ASXL3: variants seen among roughly 807,000 people sequenced by gnomAD.
ASXL3 encodes the protein ASXL transcriptional regulator 3, also known as putative Polycomb group protein ASXL3.
Under a neutral mutation model 170.6 loss-of-function variants are expected in ASXL3, and 34 were observed. That is an observed-to-expected ratio of 0.20 (90% CI 0.15 to 0.27). The LOEUF is 0.27. ASXL3 is among the 10% of genes least tolerant of loss of function. The probability of loss-of-function intolerance (pLI) is 1.00; values close to 1 mark genes in which losing one functional copy is unlikely to be tolerated. For synonymous variants in ASXL3, 1,002 were observed against 989.1 expected (o/e 1.01, Z -0.24); for missense variants, 2,592 against 2,695.3 (o/e 0.96, Z 0.85).
intron 8 of ASXL3, among the ~76,000 whole-genome samples, chr18:33,726,449 C>T (rs976914477): frequency 2.0e-5 from 3 of 151,964 alleles, no homozygotes; most frequent in Non-Finnish European, 4.4e-5. Flanking sequence ...ACTAGAAATA[C>T]GGCTCACTAG....
chr18:33,717,781 G>T (rs184010514), intron 8 of ASXL3, among the ~76,000 whole-genome samples: 1 of 151,450 alleles, frequency 6.6e-6, no homozygotes, highest in East Asian at 1.9e-4. Context: ...GGATGATAGA[G>T]GAACCAGGAT....
At chr18:33,625,302 A>G (rs917552852) in intron 2 of ASXL3, among the ~76,000 whole-genome samples, 4 of 152,148 alleles carry the variant, frequency 2.6e-5, no homozygotes, top group Admixed American at 6.6e-5. Flanking sequence ...CTGAACATAT[A>G]TTACTTAGAC....
At chr18:33,688,824 T>G (rs796666640) in intron 8 of ASXL3, among the ~76,000 whole-genome samples, 47 of 152,334 alleles carry the variant, frequency 3.1e-4, no homozygotes, top group African/African-American at 1.1e-3. Context: ...CTAGCCTGTA[T>G]GTGGACTACT....
At chr18:33,709,258 C>G (rs910891410) in intron 8 of ASXL3, among the ~76,000 whole-genome samples, 3 of 151,142 alleles carry the variant, frequency 2.0e-5, no homozygotes, top group Non-Finnish European at 4.4e-5. Context: ...CATTTAAACT[C>G]TTCCCTAGGT....
intron 8 of ASXL3, among the ~76,000 whole-genome samples, chr18:33,685,306 C>T (rs936988429): frequency 6.6e-6 from 1 of 152,144 alleles, no homozygotes; most frequent in Non-Finnish European, 1.5e-5. Context: ...CATCCTTATC[C>T]TCATTCTCCT....
intron 1 of ASXL3, among the ~76,000 whole-genome samples, chr18:33,594,838 G>A (rs2065111083): frequency 6.6e-6 from 1 of 152,130 alleles, no homozygotes; most frequent in African/African-American, 2.4e-5. Flanking sequence ...GCCTCCCAAA[G>A]TGCTGGGATT....
chr18:33,678,163 A>G (rs1218292674), intron 7 of ASXL3, among the ~76,000 whole-genome samples: 1 of 152,052 alleles, frequency 6.6e-6, no homozygotes, highest in Non-Finnish European at 1.5e-5. Context: ...CCTGGCCTCA[A>G]ACAATCCTCC....
At chr18:33,609,581 A>G (rs2065303050) in intron 2 of ASXL3, among the ~76,000 whole-genome samples, 1 of 152,046 alleles carries the variant, frequency 6.6e-6, no homozygotes, top group Admixed American at 6.6e-5. Flanking sequence ...TAACAAATAC[A>G]AACAAATTTT....
At position 33,662,711 on chromosome 18, in the gene ASXL3, T is replaced by C. The variant is rs553406424; in HGVS notation, c.477+974T>C. Among the ~76,000 whole-genome samples, 30 of 152,284 alleles carry C rather than the reference T, an allele frequency of 2.0e-4. 1 individual carries two copies. The South Asian group carries it at 6.2e-3, about 32-fold the overall frequency. On this transcript the variant is annotated intron_variant, in intron 5 of 11. Transcript: ENST00000269197. ...ATACAATCATCTATTTTGATCCTTC[T>C]ATAACAATTCCCCCTTCAGCCACCC...
At chr18:33,734,058 T>G (rs2067501756) in intron 9 of ASXL3, among the ~76,000 whole-genome samples, 1 of 140,862 alleles carries the variant, frequency 7.1e-6, no homozygotes, top group Non-Finnish European at 1.6e-5. Context: ...TTAGCATTCT[T>G]CTAAAGCATT....
chr18:33,724,030 T>C (rs1156639944), intron 8 of ASXL3, among the ~76,000 whole-genome samples: 1 of 152,186 alleles, frequency 6.6e-6, no homozygotes, highest in Non-Finnish European at 1.5e-5. Context: ...GTTAATAGAC[T>C]ACAGTATAGT....
rs187313699 is a variant in ASXL3 at position 33,674,687 on chromosome 18, C to T, written c.715+2821C>T. Among the ~76,000 whole-genome samples the T allele has an allele frequency of 3.7e-3, 555 of 151,276 alleles. 14 individuals carry two copies. Among genetic ancestry groups the T allele is most frequent in the Admixed American group, 0.034 (523 of 15,182 alleles). On this transcript the variant is annotated intron_variant, in intron 7 of 11. Coordinates refer to ENST00000269197, the MANE Select transcript of ASXL3 (RefSeq NM_030632.3). ...AGACTGGAGTGCAGTGGTGCGATCTCGGCCCACTGCAAGCTCTGCCTCTCG... is the reference window on the plus strand; with the variant it reads ...AGACTGGAGTGCAGTGGTGCGATCTTGGCCCACTGCAAGCTCTGCCTCTCG...
intron 8 of ASXL3, among the ~76,000 whole-genome samples, chr18:33,700,127 A>G (rs2066845666): frequency 6.6e-6 from 1 of 152,028 alleles, no homozygotes; most frequent in Non-Finnish European, 1.5e-5. Context: ...TGTTAAGGAG[A>G]GAGATGGGGT....
At chr18:33,706,107 CTT>C (rs34911049) in intron 8 of ASXL3, among the ~76,000 whole-genome samples, 10,462 of 145,658 alleles carry the variant, frequency 0.072, 383 homozygotes, top group South Asian at 0.11. Flanking sequence ...TCTTGATGCA[CTT>C]TTTTTTTTTT....
chr18:33,607,030 A>G (rs543741210), intron 1 of ASXL3, among the ~76,000 whole-genome samples: 2 of 152,116 alleles, frequency 1.3e-5, no homozygotes, highest in African/African-American at 4.8e-5. Context: ...TCGGAAGAGG[A>G]AAGGGCTTAC....
intron 2 of ASXL3, among the ~76,000 whole-genome samples, chr18:33,639,604 C>T (rs912639429): frequency 6.6e-6 from 1 of 152,070 alleles, no homozygotes; most frequent in African/African-American, 2.4e-5. Context: ...TTCTTAATTT[C>T]CCTGTAGATC....
intron 9 of ASXL3, 144 bp from the exon 10 acceptor site, chr18:33,734,166 G>C: frequency 2.5e-6 from 1 of 394,218 alleles, no homozygotes; most frequent in Non-Finnish European, 4.2e-6. Flanking sequence ...TTCATAAAAA[G>C]AGAAGATGTA....
At chr18:33,612,796 G>A (rs993725121) in intron 2 of ASXL3, among the ~76,000 whole-genome samples, 1 of 152,032 alleles carries the variant, frequency 6.6e-6, no homozygotes, top group East Asian at 1.9e-4. Context: ...GTTTTGCCTA[G>A]AGATAAGAAA....
At chr18:33,730,846 A>G (rs568440853) in intron 8 of ASXL3, among the ~76,000 whole-genome samples, 1 of 152,318 alleles carries the variant, frequency 6.6e-6, no homozygotes, top group East Asian at 1.9e-4. Context: ...TGAGTAAACA[A>G]TAAATCAATT....
Sources: allele counts gnomAD v4.1 joint callset (sites outside exome capture counted in the v4.1 genomes callset), GRCh38; gene constraint gnomAD v4.1.1; transcripts MANE v1.5; gene names NCBI Gene and HGNC (gene_info 2026-07-23, HGNC 2026-07-21).